The following XIST variants were observed in gnomAD, a reference collection of about 807,000 sequenced individuals.
XIST encodes the protein X inactive specific transcript (non-protein coding).
exon 1 of XIST, chrX:73,845,515 T>G (rs778644097): frequency 1.8e-6 from 1 of 554,121 alleles, no homozygotes. Context: ...AGATTGGAGG[T>G]GGGGTGTGGC....
At chrX:73,850,524 G>A (rs766747750) in exon 1 of XIST, 3 of 545,360 alleles carry the variant, frequency 5.5e-6, no homozygotes, top group African/African-American at 4.8e-5. Flanking sequence ...CAAGGGGTAG[G>A]TGTTCCTCTT....
chrX:73,846,344 G>A (rs1922770155), exon 1 of XIST: 1 of 557,291 alleles, frequency 1.8e-6, no homozygotes, highest in Non-Finnish European at 3.2e-6. Context: ...CTGTCCAAAT[G>A]TGAGAGTCTT....
At chrX:73,843,411 A>T (rs766031763) in exon 1 of XIST, 18 of 556,779 alleles carry the variant, frequency 3.2e-5, no homozygotes, top group East Asian at 6.5e-5. Flanking sequence ...TGAGTAGTTA[A>T]CACTTCTCAG....
exon 1 of XIST, chrX:73,851,238 G>T (rs1032503084): frequency 7.2e-6 from 4 of 558,159 alleles, no homozygotes; most frequent in Admixed American, 2.2e-5. Flanking sequence ...AGCCCGCCAT[G>T]ATGTCCACGT....
chrX:73,846,658 T>C (rs1487340861), exon 1 of XIST: 1 of 559,351 alleles, frequency 1.8e-6, no homozygotes, highest in Admixed American at 2.2e-5. Context: ...CACTTCCTGC[T>C]GGAAGGGAAA....
chrX:73,848,743 A>T, exon 1 of XIST: 1 of 558,745 alleles, frequency 1.8e-6, no homozygotes, highest in African/African-American at 2.2e-5. Context: ...GCAATTATGC[A>T]TATCAACTGT....
At chrX:73,831,459 T>A (rs1922379881) in intron 3 of XIST, 5 of 354,288 alleles carry the variant, frequency 1.4e-5, no homozygotes, top group East Asian at 8.8e-5. Context: ...AAAAAAAAAA[T>A]TATCCTATTC....
exon 1 of XIST, chrX:73,846,161 A>G (rs1481637827): frequency 1.8e-6 from 1 of 552,404 alleles, no homozygotes; most frequent in African/African-American, 2.3e-5. Flanking sequence ...CGGGACAAAC[A>G]TAATCACACG....
chrX:73,844,836 C>A (rs746444603), exon 1 of XIST: 1 of 554,285 alleles, frequency 1.8e-6, no homozygotes, highest in African/African-American at 2.3e-5. Flanking sequence ...GACCAAGGTG[C>A]ATGGCTGCGG....
exon 1 of XIST, chrX:73,847,943 A>T: frequency 1.8e-6 from 1 of 559,262 alleles, no homozygotes; most frequent in Middle Eastern, 3.1e-4. Flanking sequence ...GATCTGAAAG[A>T]CATTGTTGTG....
At chrX:73,843,729 G>C (rs750294237) in exon 1 of XIST, 1 of 556,591 alleles carries the variant, frequency 1.8e-6, no homozygotes, top group South Asian at 2.2e-5. Flanking sequence ...TGACAGTCTT[G>C]AGTAGTGGGC....
exon 1 of XIST, chrX:73,847,396 T>C (rs1320530022): frequency 5.9e-6 from 3 of 510,350 alleles, no homozygotes; most frequent in East Asian, 3.6e-5. Context: ...TCCAGGGCAA[T>C]TGTCTTACTT....
chrX:73,846,264 G>A (rs1272747291), exon 1 of XIST: 3 of 559,128 alleles, frequency 5.4e-6, no homozygotes, highest in South Asian at 4.4e-5. Context: ...GATAGGTTGA[G>A]CTGTGTGTAG....
chrX:73,823,379 A>G (rs779411816), exon 6 of XIST: 73 of 506,950 alleles, frequency 1.4e-4, no homozygotes, highest in Non-Finnish European at 2.5e-4. Flanking sequence ...TTAATTTACG[A>G]AACATAGTAC....
chrX:73,824,800 T>C, exon 6 of XIST: 1 of 558,669 alleles, frequency 1.8e-6, no homozygotes, highest in Non-Finnish European at 3.2e-6. Context: ...AATGTATCAG[T>C]AATAATTTAA....
chrX:73,829,646 C>A (rs765015353), intron 4 of XIST, among the ~76,000 whole-genome samples: 1 of 109,418 alleles, frequency 9.1e-6, no homozygotes, highest in Non-Finnish European at 1.9e-5. Flanking sequence ...CAAAATTAGC[C>A]GGGCGTGGTG....
At chrX:73,840,071 T>C (rs916443196) in intron 1 of XIST, among the ~76,000 whole-genome samples, 1 of 111,748 alleles carries the variant, frequency 8.9e-6, no homozygotes, top group Non-Finnish European at 1.9e-5. Flanking sequence ...AACACATCTT[T>C]GACAAAGACA....
At chrX:73,852,534 G>A in exon 1 of XIST, 1 of 531,574 alleles carries the variant, frequency 1.9e-6, no homozygotes, top group Non-Finnish European at 3.3e-6. Context: ...TGGAGGACGT[G>A]TCAAGAAGAC....
At chrX:73,821,924 ATAAT>A (rs1193273534) in exon 6 of XIST, 10 of 554,863 alleles carry the variant, frequency 1.8e-5, no homozygotes, top group East Asian at 6.5e-5. Context: ...TTTCTAAGGT[ATAAT>A]TAGAGAAGCT....
Sources: gnomAD v4.1 joint callset for allele counts (sites outside exome capture counted in the v4.1 genomes callset) on GRCh38, gnomAD v4.1.1 for gene constraint, MANE v1.5 for transcripts, NCBI Gene and HGNC (gene_info 2026-07-23, HGNC 2026-07-21) for gene names.